Variants in FGFR2 observed in about 807,000 individuals in gnomAD.
FGFR2 encodes fibroblast growth factor receptor 2, also known as BEK fibroblast growth factor receptor.
A neutral mutation model predicts 95.9 loss-of-function variants in FGFR2; 19 were observed. That is an observed-to-expected ratio of 0.20 (90% CI 0.14 to 0.29). The LOEUF (loss-of-function observed/expected upper bound fraction) is 0.29. FGFR2 is among the 10% of genes least tolerant of loss of function. The probability of loss-of-function intolerance (pLI) is 1.00; values close to 1 mark genes in which losing one functional copy is unlikely to be tolerated. For synonymous variants in FGFR2, 392 were observed against 393.3 expected, an observed-to-expected ratio of 1.00 and a Z score of 0.04; for missense variants, 707 against 1,056.9, an observed-to-expected ratio of 0.67 and a Z score of 4.59.
At position 121,540,246 on chromosome 10, in the gene FGFR2, T is replaced by A. The variant is rs41295505; in HGVS notation, c.625-1531A>T. 3.1e-3 allele frequency among the ~76,000 whole-genome samples: 469 copies of A among 152,278 alleles called. 2 individuals are homozygous for A. Among genetic ancestry groups the A allele is most frequent in the African/African-American group, 0.011 (454 of 41,568 alleles). On this transcript the variant is annotated intron_variant, in intron 5 of 17. Coordinates refer to ENST00000358487, the MANE Select transcript of FGFR2 (RefSeq NM_000141.5). Reference sequence around the variant, plus strand: ...GGAGCTGGTGATGGGAAACTGATCCTCACTGTCGCAGGTAAAATGTCTGGC... The same window carrying A: ...GGAGCTGGTGATGGGAAACTGATCCACACTGTCGCAGGTAAAATGTCTGGC...
At chr10:121,574,829 G>C (rs568293901) in intron 2 of FGFR2, among the ~76,000 whole-genome samples, 1 of 152,200 alleles carries the variant, frequency 6.6e-6, no homozygotes, top group Non-Finnish European at 1.5e-5. Flanking sequence ...TCTCTACCTC[G>C]AGAAATACTG....
chr10:121,526,854 C>T (rs1237238602), intron 6 of FGFR2: 4 of 398,412 alleles, frequency 1.0e-5, no homozygotes, highest in Non-Finnish European at 1.8e-5. Context: ...CAGGTGTCCG[C>T]ATCTTCTGTC....
chr10:121,579,342 G>A (rs558089222), intron 2 of FGFR2, among the ~76,000 whole-genome samples: 3 of 152,352 alleles, frequency 2.0e-5, no homozygotes, highest in Admixed American at 2.0e-4. Context: ...CTGGGTTCCT[G>A]TTTACGGGGC....
In FGFR2 at chr10:121,551,307, G is replaced by A. The variant is rs2134829270; in HGVS notation, c.607C>T (p.Arg203Cys). 6.2e-7 allele frequency: 1 copy of A among 1,614,184 alleles called. No homozygotes were observed. The highest frequency in any genetic ancestry group is 8.5e-7 in the Non-Finnish European group (1 of 1,180,028). ...KNGKEFKQEHRIGGYKVRNQH... is the reference protein window; with the variant it reads ...KNGKEFKQEHCIGGYKVRNQH... Reference sequence around the variant, plus strand: ...AATTCTACCTTGTAGCCTCCAATGCGATGCTCCTGCTTAAACTCCTTCCCG... The same window carrying A: ...AATTCTACCTTGTAGCCTCCAATGCAATGCTCCTGCTTAAACTCCTTCCCG... Residue 203 changes from arginine to cysteine, a missense_variant, in exon 5 of 18, where the codon CGC becomes TGC. Arg to Cys is a radical substitution (Grantham distance 180). Transcript: ENST00000358487.
chr10:121,510,200 C>T (rs1383800663), intron 9 of FGFR2, among the ~76,000 whole-genome samples: 6 of 152,304 alleles, frequency 3.9e-5, no homozygotes, highest in South Asian at 4.1e-4. Flanking sequence ...TCTCCCATAG[C>T]GAGTCTCTGC....
chr10:121,481,138 CTT>C (rs41294239), intron 17 of FGFR2, among the ~76,000 whole-genome samples: 1,783 of 152,174 alleles, frequency 0.012, 26 homozygotes, highest in African/African-American at 0.041. Flanking sequence ...CTCCCTGGCC[CTT>C]TACAGAAAGC....
intron 2 of FGFR2, among the ~76,000 whole-genome samples, chr10:121,572,980 C>G (rs1859072785): frequency 6.6e-6 from 1 of 152,246 alleles, no homozygotes; most frequent in Admixed American, 6.5e-5. Context: ...TGTGACTTCA[C>G]TGCACACATC....
intron 2 of FGFR2, among the ~76,000 whole-genome samples, chr10:121,569,224 CTT>C (rs749808833): frequency 2.4e-5 from 2 of 83,790 alleles, no homozygotes; most frequent in Non-Finnish European, 4.9e-5. Flanking sequence ...CTTTTCTTTT[CTT>C]TTTTTTTTTT....
chr10:121,580,051 A>C (rs1860585253), intron 2 of FGFR2, among the ~76,000 whole-genome samples: 1 of 152,318 alleles, frequency 6.6e-6, no homozygotes, highest in South Asian at 2.1e-4. Flanking sequence ...CTGAAAGGTC[A>C]GATAGATGTC....
At chr10:121,571,014 A>G (rs11200007) in intron 2 of FGFR2, among the ~76,000 whole-genome samples, 18,609 of 150,338 alleles carry the variant, frequency 0.12, 1,278 homozygotes, top group African/African-American at 0.19. Context: ...TTTGAGACGG[A>G]GTCTGGCTTT....
chr10:121,484,181 C>A (rs1188571840), intron 16 of FGFR2, among the ~76,000 whole-genome samples: 1 of 152,132 alleles, frequency 6.6e-6, no homozygotes, highest in Admixed American at 6.6e-5. Context: ...TGACACCCTG[C>A]CCAGCACCAA....
At chr10:121,570,701 C>A (rs1474713616) in intron 2 of FGFR2, among the ~76,000 whole-genome samples, 1 of 152,222 alleles carries the variant, frequency 6.6e-6, no homozygotes, top group African/African-American at 2.4e-5. Context: ...GAGGCTTCCA[C>A]AGACAGAGAA....
rs768202659 is a variant in FGFR2, at chr10:121,517,240, G to A, written c.1084+79C>T. 6 of 1,474,590 alleles carry A rather than the reference G, an allele frequency of 4.1e-6. No homozygotes were observed. The highest frequency in any genetic ancestry group is 5.7e-6 in the Non-Finnish European group (6 of 1,053,900). 91.3% of individuals were successfully genotyped at this position (1,474,590 alleles called of 1,614,324 possible). On this transcript the variant is annotated intron_variant, in intron 8 of 17. Coordinates refer to ENST00000358487, the MANE Select transcript of FGFR2 (RefSeq NM_000141.5). This position sits in a 1 kb window ranked among gnomAD's most constrained non-coding sequence, Gnocchi z 4.7. ...TGCAAGGATAAAAGGGGCCATTTCTGATAACAGAAGCTGTGTTAATTTTAT... is the reference window on the plus strand; with the variant it reads ...TGCAAGGATAAAAGGGGCCATTTCTAATAACAGAAGCTGTGTTAATTTTAT...
rs371680560 is a variant in FGFR2 at position 121,587,958 on chromosome 10, C to T, written c.109+5751G>A. ...ACATGCACACAAATGTTCATTGCAG[C>T]ACTATTCACAATAGCAAAGACATGG... On this transcript the variant is annotated intron_variant, in intron 2 of 17. Coordinates refer to ENST00000358487, the MANE Select transcript of FGFR2 (RefSeq NM_000141.5). Among the ~76,000 whole-genome samples the T allele has an allele frequency of 2.6e-5, 4 of 152,262 alleles. No homozygotes were observed. In the East Asian group the frequency reaches 5.8e-4, roughly 22 times the overall value.
chr10:121,568,862 G>A (rs1044906123), intron 2 of FGFR2, among the ~76,000 whole-genome samples: 42 of 152,160 alleles, frequency 2.8e-4, no homozygotes, highest in African/African-American at 1.0e-3. Flanking sequence ...GGGACAGCGA[G>A]GACCTGTGTC....
rs41302299 is a variant in FGFR2, at chr10:121,565,288, T to G, written c.376+150A>C. The G allele has an allele frequency of 1.2e-5, 11 of 925,922 alleles. 1 individual carries two copies. In the Middle Eastern group the frequency reaches 2.4e-3, roughly 199 times the overall value. 57.4% of individuals were successfully genotyped at this position (925,922 alleles called of 1,614,324 possible). Reference sequence around the variant, plus strand: ...CATTCTTAATGATCGGCCTTTCTGGTGCACCAGGTCCCAAAGAAGAATTTC... The same window carrying G: ...CATTCTTAATGATCGGCCTTTCTGGGGCACCAGGTCCCAAAGAAGAATTTC... On this transcript the variant is annotated intron_variant, in intron 3 of 17. Coordinates refer to ENST00000358487, the MANE Select transcript of FGFR2 (RefSeq NM_000141.5).
At chr10:121,480,654 C>CA (rs1163158910) in intron 17 of FGFR2, among the ~76,000 whole-genome samples, 3 of 152,020 alleles carry the variant, frequency 2.0e-5, no homozygotes, top group Non-Finnish European at 4.4e-5. Flanking sequence ...TAAACAGGTT[C>CA]AAAAAAGGCT....
intron 2 of FGFR2, among the ~76,000 whole-genome samples, chr10:121,572,885 A>C (rs1242989692): frequency 2.6e-5 from 4 of 152,206 alleles, no homozygotes; most frequent in African/African-American, 9.7e-5. Flanking sequence ...TCTATAAGTA[A>C]ACAGAGAGAA....
chr10:121,480,173 G>C, intron 17 of FGFR2, 152 bp from the exon 18 acceptor site: 1 of 894,068 alleles, frequency 1.1e-6, no homozygotes, highest in Non-Finnish European at 1.9e-6. Context: ...TGTGGGTATT[G>C]GACGTGGGAC....
Sources: allele counts gnomAD v4.1 joint callset (sites outside exome capture counted in the v4.1 genomes callset), GRCh38; gene constraint gnomAD v4.1.1; non-coding constraint Gnocchi (gnomAD v3.1); transcripts MANE v1.5; gene names NCBI Gene and HGNC (gene_info 2026-07-23, HGNC 2026-07-21).